The following CXXC5 variants were observed in gnomAD, a reference collection of about 807,000 sequenced individuals.
CXXC5 encodes the protein CXXC finger protein 5.
A neutral mutation model predicts 17.6 loss-of-function variants in CXXC5; 2 were observed. The observed-to-expected ratio is 0.11, with a 90% confidence interval of 0.05 to 0.36. CXXC5 has a LOEUF of 0.36. Ranked by LOEUF, CXXC5 falls within the 10% of genes least tolerant of loss-of-function variation. The probability of loss-of-function intolerance (pLI) is 1.00; values close to 1 mark genes in which losing one functional copy is unlikely to be tolerated. For missense variants in CXXC5, 343 were observed against 458.3 expected, an observed-to-expected ratio of 0.75 and a Z score of 2.30; for synonymous variants, 171 against 193.0, an observed-to-expected ratio of 0.89 and a Z score of 0.94.
intron 1 of CXXC5, among the ~76,000 whole-genome samples, chr5:139,657,625 CAG>C (rs1755558500): frequency 6.6e-6 from 1 of 152,182 alleles, no homozygotes; most frequent in Non-Finnish European, 1.5e-5. Context: ...GAGATGTGGC[CAG>C]AGAGCAATAG....
intron 1 of CXXC5, among the ~76,000 whole-genome samples, chr5:139,674,675 C>T (rs534070605): frequency 1.3e-5 from 2 of 152,286 alleles, no homozygotes; most frequent in South Asian, 4.1e-4. Flanking sequence ...TTTAATGTGG[C>T]AGAATTTTAT....
intron 1 of CXXC5, among the ~76,000 whole-genome samples, chr5:139,671,715 G>T (rs1312244285): frequency 6.6e-6 from 1 of 152,248 alleles, no homozygotes; most frequent in African/African-American, 2.4e-5. Flanking sequence ...GGGTACAGCT[G>T]CAGACTTCTC....
chr5:139,666,616 G>A (rs536072400), intron 1 of CXXC5, among the ~76,000 whole-genome samples: 2 of 152,352 alleles, frequency 1.3e-5, no homozygotes, highest in South Asian at 4.1e-4. Context: ...GAACGTGGGC[G>A]CTCCTGAGCT....
At chr5:139,656,662 T>C (rs1041914266) in intron 1 of CXXC5, among the ~76,000 whole-genome samples, 2 of 152,246 alleles carry the variant, frequency 1.3e-5, no homozygotes, top group Non-Finnish European at 2.9e-5. Context: ...AATAAGTGTT[T>C]GAAGAACTTT....
intron 1 of CXXC5, among the ~76,000 whole-genome samples, chr5:139,651,409 G>T (rs1216775853): frequency 1.3e-5 from 2 of 151,968 alleles, no homozygotes; most frequent in African/African-American, 4.8e-5. Context: ...GGGGTGGGTG[G>T]GGGAAGGGGA....
chr5:139,682,836 C>T (rs1757327610), intron 2 of CXXC5, 27 bp from the exon 3 acceptor site: 1 of 1,584,672 alleles, frequency 6.3e-7, no homozygotes, highest in South Asian at 1.1e-5. Context: ...GAACTCTCTC[C>T]TTGTTTTTGT....
chr5:139,656,232 T>C (rs1368475588), intron 1 of CXXC5, among the ~76,000 whole-genome samples: 4 of 152,270 alleles, frequency 2.6e-5, no homozygotes, highest in Non-Finnish European at 5.9e-5. Flanking sequence ...TGTAATCCGA[T>C]GGCCAGAACT....
chr5:139,660,333 C>T (rs1371974394), intron 1 of CXXC5, among the ~76,000 whole-genome samples: 1 of 152,198 alleles, frequency 6.6e-6, no homozygotes, highest in African/African-American at 2.4e-5. Context: ...CTGTCATGCT[C>T]CCGCCCCTCC....
intron 1 of CXXC5, among the ~76,000 whole-genome samples, chr5:139,677,843 C>T (rs1478492614): frequency 6.6e-6 from 1 of 152,258 alleles, no homozygotes; most frequent in South Asian, 2.1e-4. Context: ...TCAGCCAGAG[C>T]GCCAGCCCTG....
rs922400317 is a variant in CXXC5 at position 139,658,616 on chromosome 5, G to A, written c.-161+9771G>A. On this transcript the variant is annotated intron_variant, in intron 1 of 2. Coordinates refer to ENST00000302517, the MANE Select transcript of CXXC5 (RefSeq NM_016463.9). The surrounding 1 kb of genome is among the most constrained non-coding windows in gnomAD (Gnocchi z 4.1). The stretch of plus-strand genomic sequence containing the variant: ...GGGGTCCTCTTGGCGGTGCCCGCCC[G>A]CCCGCTGCCCACGCTTCCCGAGGCA... 6.6e-6 allele frequency among the ~76,000 whole-genome samples: 1 copy of A among 152,160 alleles called. No individual in the cohort carries two copies. Among genetic ancestry groups the A allele is most frequent in the Non-Finnish European group, 1.5e-5 (1 of 68,006 alleles).
rs761732393 is a variant in CXXC5 at position 139,681,300 on chromosome 5, G to A, written c.777G>A (p.Lys259=). 1.2e-6 allele frequency: 2 copies of A among 1,612,872 alleles called. No homozygotes were observed. Among genetic ancestry groups the A allele is most frequent in the Non-Finnish European group, 8.5e-7 (1 of 1,179,972 alleles). The change falls in exon 2 of 3, where the codon AAG becomes AAA. Residue 259 remains lysine, a synonymous_variant. Coordinates refer to ENST00000302517, the MANE Select transcript of CXXC5 (RefSeq NM_016463.9). ...LASAISSGKK[K]RKRCGMCAPC... Reference sequence around the variant, plus strand: ...CTGCCATCAGCTCCGGCAAGAAGAAGCGGAAACGCTGCGGCATGTGCGCGC... The same window carrying A: ...CTGCCATCAGCTCCGGCAAGAAGAAACGGAAACGCTGCGGCATGTGCGCGC...
At chr5:139,674,712 CTG>C (rs947229683) in intron 1 of CXXC5, among the ~76,000 whole-genome samples, 110 of 152,314 alleles carry the variant, frequency 7.2e-4, no homozygotes, top group African/African-American at 2.5e-3. Context: ...CTCGATAAAA[CTG>C]TTTTTTAAAA....
intron 1 of CXXC5, among the ~76,000 whole-genome samples, chr5:139,650,284 C>T (rs1352630046): frequency 1.3e-5 from 2 of 152,104 alleles, no homozygotes; most frequent in East Asian, 3.9e-4. Context: ...GTCTGAGAGT[C>T]GCGCCTTCGG....
chr5:139,677,968 G>A (rs536370890), intron 1 of CXXC5, among the ~76,000 whole-genome samples: 114 of 152,384 alleles, frequency 7.5e-4, no homozygotes, highest in Middle Eastern at 3.4e-3. Context: ...CAGGAACAGC[G>A]TTAATGCAGC....
intron 1 of CXXC5, chr5:139,649,705 C>T (rs1755063879): frequency 6.6e-6 from 1 of 152,350 alleles, no homozygotes; most frequent in African/African-American, 2.4e-5. Flanking sequence ...GGCCACGCAG[C>T]GTGCAGAGCC....
Position 139,661,187 on chromosome 5 carries a change from A to G in CXXC5, c.-161+12342A>G, listed in dbSNP as rs576253096. Among the ~76,000 whole-genome samples the G allele has an allele frequency of 3.3e-5, 5 of 152,008 alleles. No individual in the cohort carries two copies. In the East Asian group the frequency reaches 9.7e-4, roughly 30 times the overall value. ...CCGCGGCTGCCCGCGCCGCCCCCCCACCTCTTGCGCTGTCGGCCATCAGCC... is the reference window on the plus strand; with the variant it reads ...CCGCGGCTGCCCGCGCCGCCCCCCCGCCTCTTGCGCTGTCGGCCATCAGCC... On this transcript the variant is annotated intron_variant, in intron 1 of 2. Transcript: ENST00000302517. This position sits in a 1 kb window ranked among gnomAD's most constrained non-coding sequence, Gnocchi z 4.7.
intron 1 of CXXC5, among the ~76,000 whole-genome samples, chr5:139,679,166 G>C (rs1757039111): frequency 6.6e-6 from 1 of 152,180 alleles, no homozygotes; most frequent in African/African-American, 2.4e-5. Context: ...GCCCACCCCG[G>C]CTCTCTGGGT....
At chr5:139,649,148 C>T (rs1467936277) in intron 1 of CXXC5, 7 of 152,300 alleles carry the variant, frequency 4.6e-5, no homozygotes, top group Admixed American at 4.6e-4. Context: ...ATACCCAAGC[C>T]TCCCTAAGCC....
chr5:139,671,504 C>T (rs1406040252), intron 1 of CXXC5, among the ~76,000 whole-genome samples: 1 of 152,226 alleles, frequency 6.6e-6, no homozygotes, highest in Non-Finnish European at 1.5e-5. Context: ...CTGGGCCAGC[C>T]GCGGGTGGCG....
Sources: gnomAD v4.1 joint callset for allele counts (sites outside exome capture counted in the v4.1 genomes callset) on GRCh38, gnomAD v4.1.1 for gene constraint, Gnocchi (gnomAD v3.1) non-coding constraint, MANE v1.5 for transcripts, NCBI Gene and HGNC (gene_info 2026-07-23, HGNC 2026-07-21) for gene names.